MYT1L: variants seen among roughly 807,000 people sequenced by gnomAD.
MYT1L encodes myelin transcription factor 1-like protein.
MYT1L carries 12 observed loss-of-function variants against 126.7 expected under a neutral mutation model. The observed-to-expected ratio is 0.09, with a 90% confidence interval of 0.06 to 0.15. The LOEUF (loss-of-function observed/expected upper bound fraction) is 0.15. Among genes scored for constraint, MYT1L ranks in the 10% least tolerant of loss-of-function variants. The pLI, the probability that MYT1L is intolerant of heterozygous loss-of-function variation, is 1.00. For synonymous variants in MYT1L, 541 were observed against 604.2 expected (o/e 0.90, Z 1.53); for missense variants, 979 against 1,585.2 (o/e 0.62, Z 6.49).
intron 5 of MYT1L, among the ~76,000 whole-genome samples, chr2:1,987,346 T>C (rs1349750271): frequency 6.6e-6 from 1 of 151,900 alleles, no homozygotes; most frequent in Non-Finnish European, 1.5e-5. Context: ...TTTTGTTTTT[T>C]TCTTTCTGGA....
chr2:1,927,846 T>A (rs1205893085), intron 9 of MYT1L, among the ~76,000 whole-genome samples: 1 of 152,238 alleles, frequency 6.6e-6, no homozygotes, highest in East Asian at 1.9e-4. Context: ...TTTTGACTTA[T>A]AAATACAGAA....
chr2:2,099,713 C>T (rs1482787106), intron 3 of MYT1L, among the ~76,000 whole-genome samples: 1 of 152,334 alleles, frequency 6.6e-6, no homozygotes, highest in East Asian at 1.9e-4. Context: ...CCATAACCAA[C>T]TCCAAGATCA....
Position 2,181,208 on chromosome 2 carries a change from CTGTGTT to C in MYT1L, c.-420-8226_-420-8221del, listed in dbSNP as rs199950155. Among the ~76,000 whole-genome samples, 1,202 of 150,732 alleles carry C rather than the reference CTGTGTT, an allele frequency of 8.0e-3. 17 individuals carry two copies. Among genetic ancestry groups the C allele is most frequent in the African/African-American group, 0.027 (1,102 of 41,018 alleles). ...CCTATGATCTATGTGTGCCGTGTAC[CTGTGTT>C]TGTGCCTGTGTGTGTACCTGTGTAT... is the stretch of plus-strand genomic sequence containing the variant. On this transcript the variant is annotated intron_variant, in intron 2 of 24. Coordinates refer to ENST00000647738, the MANE Select transcript of MYT1L (RefSeq NM_001303052.2).
At chr2:1,878,461 A>C (rs71440702) in intron 18 of MYT1L, among the ~76,000 whole-genome samples, 2,445 of 152,352 alleles carry the variant, frequency 0.016, 39 homozygotes, top group Non-Finnish European at 0.027. Context: ...ATTAGAATTA[A>C]GATAATTTCT....
intron 2 of MYT1L, among the ~76,000 whole-genome samples, chr2:2,262,033 A>T (rs1282761589): frequency 1.3e-5 from 2 of 152,234 alleles, no homozygotes; most frequent in African/African-American, 2.4e-5. Context: ...ACATTCTATG[A>T]TCCATGGGTG....
chr2:2,174,211 T>A (rs2090445453), intron 2 of MYT1L, among the ~76,000 whole-genome samples: 1 of 152,216 alleles, frequency 6.6e-6, no homozygotes, highest in Admixed American at 6.5e-5. Flanking sequence ...TTGTAACATT[T>A]AAAAATATAC....
At chr2:1,933,597 T>C (rs2055323632) in intron 9 of MYT1L, among the ~76,000 whole-genome samples, 2 of 152,198 alleles carry the variant, frequency 1.3e-5, no homozygotes, top group South Asian at 4.1e-4. Context: ...CTGGAACAGA[T>C]CACAGGAGAC....
rs531520241 is a variant in MYT1L, at chr2:2,050,016, G to A, written c.-158+3962C>T. Reference sequence around the variant, plus strand: ...CTAACTTCATAGGGGGTTTTTTGACGATGAAATGAGACATGGTGAGTGGCA... The same window carrying A: ...CTAACTTCATAGGGGGTTTTTTGACAATGAAATGAGACATGGTGAGTGGCA... On this transcript the variant is annotated intron_variant, in intron 4 of 24. Transcript: ENST00000647738. Among the ~76,000 whole-genome samples the A allele has an allele frequency of 7.9e-5, 12 of 151,774 alleles. No homozygotes were observed. In the East Asian group the frequency reaches 9.7e-4, roughly 12 times the overall value.
At chr2:1,932,558 A>G (rs2055154115) in intron 9 of MYT1L, among the ~76,000 whole-genome samples, 1 of 152,230 alleles carries the variant, frequency 6.6e-6, no homozygotes, top group Non-Finnish European at 1.5e-5. Context: ...TTGGTGAAAG[A>G]GGTAAAAATA....
intron 2 of MYT1L, among the ~76,000 whole-genome samples, chr2:2,233,646 T>C (rs1011207429): frequency 6.6e-6 from 1 of 152,122 alleles, no homozygotes; most frequent in East Asian, 1.9e-4. Flanking sequence ...CACCTGTGAG[T>C]GTGGTTGTAA....
At chr2:2,167,882 C>T (rs1012643162) in intron 3 of MYT1L, among the ~76,000 whole-genome samples, 1 of 152,138 alleles carries the variant, frequency 6.6e-6, no homozygotes, top group African/African-American at 2.4e-5. Flanking sequence ...TTCTCTGATT[C>T]CATTTCTATA....
chr2:2,135,665 G>A, intron 3 of MYT1L, among the ~76,000 whole-genome samples: 1 of 152,212 alleles, frequency 6.6e-6, no homozygotes. Context: ...GATGAAGAGA[G>A]AAATCAGTGG....
At chr2:1,896,352 A>G (rs1042236702) in intron 14 of MYT1L, among the ~76,000 whole-genome samples, 3 of 152,232 alleles carry the variant, frequency 2.0e-5, no homozygotes, top group Non-Finnish European at 4.4e-5. Context: ...CCAAATGAAA[A>G]TAGATCGTTG....
At chr2:1,814,297 C>G (rs181569372) in intron 21 of MYT1L, among the ~76,000 whole-genome samples, 1 of 152,178 alleles carries the variant, frequency 6.6e-6, no homozygotes. Flanking sequence ...AAGCAGGGCC[C>G]GGCCTGCACC....
chr2:1,986,837 G>A (rs946844815), intron 5 of MYT1L, among the ~76,000 whole-genome samples: 2 of 152,148 alleles, frequency 1.3e-5, no homozygotes, highest in Non-Finnish European at 2.9e-5. Context: ...GCTGACACCC[G>A]ATGAGCTGGA....
chr2:1,843,178 C>T (rs2042042900), intron 19 of MYT1L, among the ~76,000 whole-genome samples: 1 of 152,244 alleles, frequency 6.6e-6, no homozygotes, highest in Non-Finnish European at 1.5e-5. Flanking sequence ...GCTGCGTGGC[C>T]TCTGCATCCT....
At chr2:2,125,242 T>TG (rs1221887945) in intron 3 of MYT1L, among the ~76,000 whole-genome samples, 3 of 151,986 alleles carry the variant, frequency 2.0e-5, no homozygotes, top group African/African-American at 7.3e-5. Context: ...CCTTAGTGAG[T>TG]GGGGGTCTAC....
chr2:1,824,575 C>A, intron 21 of MYT1L: 1 of 152,376 alleles, frequency 6.6e-6, no homozygotes, highest in African/African-American at 2.4e-5. Context: ...TGTGACACCC[C>A]GGCCAGGCCA....
intron 13 of MYT1L, among the ~76,000 whole-genome samples, chr2:1,909,237 C>T (rs991071110): frequency 6.6e-6 from 1 of 152,146 alleles, no homozygotes; most frequent in African/African-American, 2.4e-5. Flanking sequence ...ATCCTCCCAC[C>T]TCAGCCTTCT....
Sources: gnomAD v4.1 joint callset for allele counts (sites outside exome capture counted in the v4.1 genomes callset) on GRCh38, gnomAD v4.1.1 for gene constraint, MANE v1.5 for transcripts, NCBI Gene and HGNC (gene_info 2026-07-23, HGNC 2026-07-21) for gene names.